ACAD10: variants seen among roughly 807,000 people sequenced by gnomAD.
ACAD10 encodes the protein ACAD-10.
ACAD10 carries 112 observed loss-of-function variants against 116.8 expected under a neutral mutation model. The observed-to-expected ratio is 0.96, with a 90% CI of 0.82 to 1.12. ACAD10 has a LOEUF of 1.12. Among genes scored for constraint, ACAD10 ranks in the 50% most tolerant of loss-of-function variants. The pLI is 0.00. For synonymous variants in ACAD10, 486 were observed against 510.6 expected, an observed-to-expected ratio of 0.95 and a Z score of 0.65; for missense variants, 1,259 against 1,350.2, an observed-to-expected ratio of 0.93 and a Z score of 1.06.
Position 111,714,641 on chromosome 12 carries a change from G to A in ACAD10, c.851-1180G>A, listed in dbSNP as rs140742771. On this transcript the variant is annotated intron_variant, in intron 6 of 20. Transcript: ENST00000313698. ...CACGCCACTGCACTCCAGCCTGGACGACAGAGGGAGAGTCCATCTCAAAAA... is the reference window on the plus strand; with the variant it reads ...CACGCCACTGCACTCCAGCCTGGACAACAGAGGGAGAGTCCATCTCAAAAA... Among the ~76,000 whole-genome samples the A allele has an allele frequency of 9.4e-3, 1,428 of 151,872 alleles. 21 individuals carry two copies. Among genetic ancestry groups the A allele is most frequent in the African/African-American group, 0.033 (1,356 of 41,470 alleles).
At chr12:111,752,305 A>G (rs969654466) in intron 18 of ACAD10, among the ~76,000 whole-genome samples, 16 of 151,332 alleles carry the variant, frequency 1.1e-4, no homozygotes, top group African/African-American at 2.9e-4. Context: ...TGTTGTTGTT[A>G]TTGTTTTAAG....
chr12:111,691,310 G>A (rs1888034501), intron 1 of ACAD10: 1 of 152,452 alleles, frequency 6.6e-6, no homozygotes, highest in African/African-American at 2.4e-5. Context: ...GTTTTGTGGT[G>A]TGAGGGTGTC....
chr12:111,730,029 T>C, intron 10 of ACAD10, 73 bp downstream of exon 10: 1 of 1,535,990 alleles, frequency 6.5e-7, no homozygotes, highest in Non-Finnish European at 8.8e-7. Context: ...CAATTGGTCT[T>C]GGTGCAATTT....
At chr12:111,692,180 C>T (rs1888065870) in intron 1 of ACAD10, among the ~76,000 whole-genome samples, 1 of 152,174 alleles carries the variant, frequency 6.6e-6, no homozygotes. Context: ...GTTGGTCAGG[C>T]TGGTCTCGAA....
Position 111,702,170 on chromosome 12 carries a change from G to A in ACAD10, c.196G>A (p.Val66Ile). The A allele has an allele frequency of 6.2e-7, 1 of 1,613,212 alleles. No homozygotes were observed. The highest frequency in any genetic ancestry group is 8.5e-7 in the Non-Finnish European group (1 of 1,179,812). ...TATTTTGCTTCCTATAGAATGGGAG[G>A]TACAGAATCGTATCCCTTCTGGAAC... is the stretch of plus-strand genomic sequence containing the variant. ...SPGRVAAEWE[V>I]QNRIPSGTIL... Residue 66 changes from valine (V) to isoleucine (I), a missense_variant, in exon 3 of 21, where the codon GTA (valine) becomes ATA (isoleucine). By Grantham distance (29) the Val-to-Ile change is conservative (BLOSUM62 3). Transcript: ENST00000313698.
intron 16 of ACAD10, among the ~76,000 whole-genome samples, chr12:111,747,991 T>TA (rs1555260522): frequency 1.3e-5 from 2 of 152,098 alleles, no homozygotes. Flanking sequence ...CCAGAGCCGT[T>TA]ATGTGTGCAC....
At position 111,748,355 on chromosome 12, in the gene ACAD10, G is replaced by A. The variant is rs762394036; in HGVS notation, c.2524G>A (p.Gly842Arg). 6.2e-7 allele frequency: 1 copy of A among 1,613,988 alleles called. No individual in the cohort carries two copies. Among genetic ancestry groups the A allele is most frequent in the Non-Finnish European group, 8.5e-7 (1 of 1,180,038 alleles). The change falls in exon 17 of 21, where the codon GGA (glycine) becomes AGA (arginine). Residue 842 changes from glycine to arginine, a missense_variant. Coordinates refer to ENST00000313698, the MANE Select transcript of ACAD10 (RefSeq NM_025247.6). ...TCGTTGCCAACTCTGTGTGTTTATG[G>A]GAAAAACAGACCCACATGCACCAAG... Reference protein sequence around the residue: ...DPRCQLCVFMGKTDPHAPRHR... With the variant: ...DPRCQLCVFMRKTDPHAPRHR...
intron 17 of ACAD10, 47 bp downstream of exon 17, chr12:111,748,522 C>A: frequency 6.2e-7 from 1 of 1,604,750 alleles, no homozygotes; most frequent in Non-Finnish European, 8.5e-7. Context: ...GTCTGGTCCC[C>A]AGGAAACACC....
rs1888361937 is a variant in ACAD10 at position 111,702,039 on chromosome 12, T to G, written c.188-123T>G. 6 of 1,054,986 alleles carry G rather than the reference T, an allele frequency of 5.7e-6. No individual in the cohort carries two copies. The East Asian group carries it at 1.5e-4, about 26-fold the overall frequency. 65.4% of individuals were successfully genotyped at this position (1,054,986 alleles called of 1,614,324 possible). A position where few individuals can be genotyped will look rare whatever the true frequency, so the allele number is the denominator to read the frequency against. ...TGCATTTTGTGAATGTCTGCAAATT[T>G]CCAACAGCATCCACCCTGGCAGTAC... On this transcript the variant is annotated intron_variant, in intron 2 of 20. Transcript: ENST00000313698.
In ACAD10 at chr12:111,744,933, C is replaced by T. The variant is rs980566161; in HGVS notation, c.2005C>T (p.Arg669Trp). The T allele has an allele frequency of 3.2e-5, 51 of 1,614,024 alleles. No homozygotes were observed. The highest frequency in any genetic ancestry group is 1.6e-4 in the Middle Eastern group (1 of 6,084). The change falls in exon 13 of 21, where the codon CGG (arginine) becomes TGG (tryptophan). Residue 669 changes from arginine to tryptophan, a missense_variant. Arg to Trp is a moderately radical substitution (Grantham distance 101). Coordinates refer to ENST00000313698, the MANE Select transcript of ACAD10 (RefSeq NM_025247.6). ...TCCACCTGTCAGAGAGCTGTATCACCGGCTGAAGCACTTCATGGAGCAACG... is the reference window on the plus strand; with the variant it reads ...TCCACCTGTCAGAGAGCTGTATCACTGGCTGAAGCACTTCATGGAGCAACG... ...LSPPVRELYH[R>W]LKHFMEQRVY... is the part of the protein sequence containing the mutation.
chr12:111,700,646 G>A (rs1888321659), intron 2 of ACAD10, among the ~76,000 whole-genome samples: 1 of 148,704 alleles, frequency 6.7e-6, no homozygotes. Flanking sequence ...TAAAAGTCTT[G>A]TTATTTTCAA....
chr12:111,727,596 C>T (rs577873299), intron 8 of ACAD10, among the ~76,000 whole-genome samples: 2 of 152,154 alleles, frequency 1.3e-5, no homozygotes, highest in Non-Finnish European at 2.9e-5. Flanking sequence ...AGAGGTCCTT[C>T]TCTGAGCCTT....
chr12:111,712,511 A>G lies in ACAD10; in HGVS notation c.704A>G (p.Glu235Gly), dbSNP rs1273189260. 6.2e-7 allele frequency: 1 copy of G among 1,613,864 alleles called. No homozygotes were observed. The highest frequency in any genetic ancestry group is 8.5e-7 in the Non-Finnish European group (1 of 1,179,854). ...GIHTIKVNDP[E>G]TAVKELEALL... ...CTCTGAAACCAGGTTAATGACCCAG[A>G]GACTGCAGTAAAGGAATTAGAAGCT... The change falls in exon 6 of 21, where the codon GAG becomes GGG. Residue 235 changes from glutamate (E) to glycine (G), a missense_variant. Glu to Gly is a moderately conservative substitution (Grantham distance 98). Coordinates refer to ENST00000313698, the MANE Select transcript of ACAD10 (RefSeq NM_025247.6).
At chr12:111,744,535 G>A in intron 12 of ACAD10, 108 bp from the exon 13 acceptor site, 1 of 1,366,664 alleles carries the variant, frequency 7.3e-7, no homozygotes, top group Non-Finnish European at 1.0e-6. Flanking sequence ...TACTTAGCAA[G>A]TGCTCAGCAA....
intron 1 of ACAD10, among the ~76,000 whole-genome samples, chr12:111,687,481 C>A (rs924289133): frequency 5.3e-5 from 8 of 152,028 alleles, no homozygotes; most frequent in African/African-American, 1.9e-4. Context: ...TGTCTCTGGA[C>A]CTTTCCAGAT....
chr12:111,690,798 AAG>A (rs1888016958), intron 1 of ACAD10, among the ~76,000 whole-genome samples: 1 of 151,648 alleles, frequency 6.6e-6, no homozygotes, highest in Non-Finnish European at 1.5e-5. Flanking sequence ...AAAAAAAAAA[AAG>A]AGTTTCTGAT....
At chr12:111,719,758 C>G (rs146506479) in intron 7 of ACAD10, among the ~76,000 whole-genome samples, 3,081 of 151,990 alleles carry the variant, frequency 0.02, 118 homozygotes, top group African/African-American at 0.072. Flanking sequence ...GACAGAGTCT[C>G]GCTCTGTTGC....
intron 17 of ACAD10, chr12:111,748,797 C>T: frequency 1.8e-6 from 1 of 563,588 alleles, no homozygotes; most frequent in Non-Finnish European, 3.1e-6. Context: ...GAACAGCTGA[C>T]CTCTAGGCCA....
At chr12:111,739,618 C>T (rs1456303685) in intron 12 of ACAD10, among the ~76,000 whole-genome samples, 1 of 152,030 alleles carries the variant, frequency 6.6e-6, no homozygotes, top group East Asian at 1.9e-4. Context: ...ATTAGCCAGG[C>T]CTGGTGGCGG....
Sources: allele counts gnomAD v4.1 joint callset (sites outside exome capture counted in the v4.1 genomes callset), GRCh38; gene constraint gnomAD v4.1.1; transcripts MANE v1.5; gene names NCBI Gene and HGNC (gene_info 2026-07-23, HGNC 2026-07-21).